VPS50: variants seen among roughly 807,000 people sequenced by gnomAD.
The protein encoded by VPS50 is VPS50 subunit of EARP/GARPII complex, also known as syndetin.
VPS50 carries 70 observed loss-of-function variants against 139.7 expected under a neutral mutation model. The ratio of observed to expected loss-of-function variants is 0.50; its 90% confidence interval spans 0.41 to 0.61. The LOEUF (loss-of-function observed/expected upper bound fraction) is 0.61. VPS50 is among the 20% of genes least tolerant of loss of function. VPS50 has a pLI of 0.00. For missense variants in VPS50, 921 were observed against 1,133.7 expected, an observed-to-expected ratio of 0.81 and a Z score of 2.69; for synonymous variants, 365 against 376.7, an observed-to-expected ratio of 0.97 and a Z score of 0.36.
chr7:93,238,535 G>C (rs985331057), intron 1 of VPS50, among the ~76,000 whole-genome samples: 2 of 152,104 alleles, frequency 1.3e-5, no homozygotes, highest in Non-Finnish European at 2.9e-5. Context: ...GGAAGAGAAA[G>C]ATATATTTAA....
At chr7:93,348,629 T>A in intron 23 of VPS50, 82 bp from the exon 24 acceptor site, 6 of 957,694 alleles carry the variant, frequency 6.3e-6, no homozygotes, top group Non-Finnish European at 9.7e-6. Flanking sequence ...CTCAGAAATG[T>A]TAAAAAATAC....
At chr7:93,314,411 T>G (rs1188203227) in intron 20 of VPS50, among the ~76,000 whole-genome samples, 1 of 152,210 alleles carries the variant, frequency 6.6e-6, no homozygotes, top group East Asian at 1.9e-4. Context: ...GGCTTTGCAC[T>G]AGTGGAGAGG....
chr7:93,261,771 T>A (rs1426125504), intron 9 of VPS50, among the ~76,000 whole-genome samples: 1 of 150,644 alleles, frequency 6.6e-6, no homozygotes, highest in Non-Finnish European at 1.5e-5. Context: ...CCTTCCGGGA[T>A]CAAGACTAAG....
intron 15 of VPS50, 102 bp from the exon 16 acceptor site, chr7:93,297,043 A>G (rs1012644444): frequency 6.8e-7 from 1 of 1,471,426 alleles, no homozygotes; most frequent in African/African-American, 1.5e-5. Flanking sequence ...TCACATGTCC[A>G]AATTTTAGTG....
intron 2 of VPS50, 165 bp downstream of exon 2, chr7:93,240,099 T>C (rs943652034): frequency 2.0e-6 from 1 of 503,458 alleles, no homozygotes; most frequent in African/African-American, 1.9e-5. Flanking sequence ...CTTGTTTCAT[T>C]ACACGTTGGG....
chr7:93,276,089 T>C, intron 11 of VPS50, 76 bp from the exon 12 acceptor site: 1 of 1,334,910 alleles, frequency 7.5e-7, no homozygotes, highest in South Asian at 1.6e-5. Context: ...GATGTTTCCC[T>C]GGGTTTTTTC....
At chr7:93,357,418 G>A (rs967209132) in intron 27 of VPS50, among the ~76,000 whole-genome samples, 1 of 152,140 alleles carries the variant, frequency 6.6e-6, no homozygotes, top group Admixed American at 6.6e-5. Context: ...TTCCCACAAT[G>A]ATGAGTCCAG....
chr7:93,274,935 A>G (rs1796110429), intron 11 of VPS50, among the ~76,000 whole-genome samples: 1 of 152,174 alleles, frequency 6.6e-6, no homozygotes, highest in Non-Finnish European at 1.5e-5. Context: ...CAAAATAGCA[A>G]CATTAGCAGG....
intron 21 of VPS50, among the ~76,000 whole-genome samples, chr7:93,331,657 C>T (rs1797945142): frequency 6.6e-6 from 1 of 152,032 alleles, no homozygotes; most frequent in African/African-American, 2.4e-5. Flanking sequence ...AGGAGAAAAT[C>T]TTTGTGACAT....
intron 16 of VPS50, 77 bp downstream of exon 16, chr7:93,297,320 A>G (rs1371800438): frequency 5.4e-6 from 7 of 1,302,384 alleles, no homozygotes; most frequent in Non-Finnish European, 6.9e-6. Flanking sequence ...ATCTTATAGC[A>G]TTAATTGATT....
chr7:93,251,926 G>A (rs1477283716), intron 2 of VPS50, among the ~76,000 whole-genome samples: 1 of 152,130 alleles, frequency 6.6e-6, no homozygotes, highest in Non-Finnish European at 1.5e-5. Context: ...GTTAACTGAA[G>A]CTTTATCTGA....
chr7:93,291,950 A>AC, intron 13 of VPS50, 115 bp downstream of exon 13: 3 of 631,828 alleles, frequency 4.7e-6, no homozygotes, highest in South Asian at 5.3e-5. Flanking sequence ...GATTACAGTG[A>AC]CCATAGGCTA....
Position 93,320,744 on chromosome 7 carries a change from G to T in VPS50, c.1856-2867G>T, listed in dbSNP as rs1274412611. The T allele has an allele frequency of 2.0e-5, 3 of 152,374 alleles. No individual in the cohort carries two copies. In the East Asian group the frequency reaches 5.8e-4, roughly 29 times the overall value. The allele number at this position is 152,374 out of a possible 1,614,324, so 9.4% of individuals were successfully genotyped here. On this transcript the variant is annotated intron_variant, in intron 20 of 27. Transcript: ENST00000305866. ...ATTCTAGCAGCCTACACCTCTAACTGCTGGAGAGGAGAGGGGAATGGTGGT... is the reference window on the plus strand; with the variant it reads ...ATTCTAGCAGCCTACACCTCTAACTTCTGGAGAGGAGAGGGGAATGGTGGT...
chr7:93,320,180 G>C (rs1303602270), intron 20 of VPS50, among the ~76,000 whole-genome samples: 1 of 152,054 alleles, frequency 6.6e-6, no homozygotes, highest in Non-Finnish European at 1.5e-5. Context: ...ATTCGGACTC[G>C]GAACTTTGTG....
intron 23 of VPS50, among the ~76,000 whole-genome samples, chr7:93,348,013 C>T (rs989496017): frequency 2.6e-5 from 4 of 152,004 alleles, no homozygotes; most frequent in African/African-American, 9.6e-5. Context: ...AAGAATGCTT[C>T]CTGACCTTTA....
At chr7:93,255,843 C>A (rs1056965476) in intron 4 of VPS50, among the ~76,000 whole-genome samples, 1 of 152,166 alleles carries the variant, frequency 6.6e-6, no homozygotes, top group East Asian at 1.9e-4. Context: ...TCCCTAAATA[C>A]CTTCTGTGTG....
rs1795408826 is a variant in VPS50 at position 93,253,870 on chromosome 7, C to T, written c.236C>T (p.Pro79Leu). 1 of 1,588,166 alleles carries T rather than the reference C, an allele frequency of 6.3e-7. No homozygotes were observed. The highest frequency in any genetic ancestry group is 1.3e-5 in the African/African-American group (1 of 74,302). ...AATTTTTTTCTGTAGAAGCTTCCAC[C>T]TGTTCTCAATTTGCAAGAATTAGAG... The part of the protein sequence containing the change: ...IVKYELEKLP[P>L]VLNLQELEAY... The change falls in exon 4 of 28, where the codon CCT becomes CTT. Residue 79 changes from proline to leucine, a missense_variant. Coordinates refer to ENST00000305866, the MANE Select transcript of VPS50 (RefSeq NM_017667.4).
chr7:93,245,436 G>A (rs1253396784), intron 2 of VPS50, among the ~76,000 whole-genome samples: 1 of 151,830 alleles, frequency 6.6e-6, no homozygotes, highest in East Asian at 1.9e-4. Flanking sequence ...TTCTTTTAGA[G>A]AAAGTGTCTG....
chr7:93,348,872 AT>A, intron 24 of VPS50, 65 bp downstream of exon 24: 1 of 1,155,206 alleles, frequency 8.7e-7, no homozygotes, highest in Admixed American at 2.0e-5. Context: ...GATTATTTAG[AT>A]TTTTTGTTGT....
Sources: gnomAD v4.1 joint callset for allele counts (sites outside exome capture counted in the v4.1 genomes callset) on GRCh38, gnomAD v4.1.1 for gene constraint, MANE v1.5 for transcripts, NCBI Gene and HGNC (gene_info 2026-07-23, HGNC 2026-07-21) for gene names.